The following ATRX variants were observed in gnomAD, a reference collection of about 807,000 sequenced individuals.
ATRX encodes the protein ATRX chromatin remodeler.
ATRX carries 12 observed loss-of-function variants against 172.6 expected under a neutral mutation model. The observed-to-expected ratio is 0.07, with a 90% CI of 0.04 to 0.11. The LOEUF (loss-of-function observed/expected upper bound fraction) is 0.11, where lower values mean the gene tolerates loss of function less well. Ranked by LOEUF, ATRX falls within the 10% of genes least tolerant of loss-of-function variation. The probability of loss-of-function intolerance (pLI) is 1.00; values close to 1 mark genes in which losing one functional copy is unlikely to be tolerated. For missense variants in ATRX, 1,368 were observed against 1,767.4 expected, an observed-to-expected ratio of 0.77 and a Z score of 4.05; for synonymous variants, 674 against 594.7, an observed-to-expected ratio of 1.13 and a Z score of -1.94.
intron 9 of ATRX, 125 bp downstream of exon 9, chrX:77,681,395 A>C (rs2071182225): frequency 1.5e-6 from 1 of 652,306 alleles, no homozygotes; most frequent in Non-Finnish European, 2.3e-6. Context: ...ACTCCTAAAT[A>C]ATTTTTAAGT....
chrX:77,610,180 C>T (rs1319864505), intron 22 of ATRX, among the ~76,000 whole-genome samples: 1 of 111,531 alleles, frequency 9.0e-6, no homozygotes, highest in African/African-American at 3.3e-5. Flanking sequence ...CACCTGCAAA[C>T]TGAAATAGTT....
chrX:77,533,021 C>T (rs961425100), intron 30 of ATRX, among the ~76,000 whole-genome samples: 17 of 112,046 alleles, frequency 1.5e-4, no homozygotes, highest in African/African-American at 5.5e-4. Context: ...CACTTGTAGC[C>T]TATAAACATA....
At chrX:77,547,927 C>A (rs2064307772) in intron 30 of ATRX, among the ~76,000 whole-genome samples, 2 of 111,376 alleles carry the variant, frequency 1.8e-5, no homozygotes, top group African/African-American at 6.5e-5. Context: ...AAATGTAAGT[C>A]CATAAGTATT....
At chrX:77,593,661 G>C (rs782481042) in intron 26 of ATRX, 35 bp downstream of exon 26, 1 of 1,160,084 alleles carries the variant, frequency 8.6e-7, no homozygotes, top group Non-Finnish European at 1.2e-6. Flanking sequence ...TAATCAAAAG[G>C]TTAATTTATA....
intron 6 of ATRX, among the ~76,000 whole-genome samples, chrX:77,690,348 G>A (rs1287816795): frequency 1.8e-5 from 2 of 112,477 alleles, no homozygotes; most frequent in Non-Finnish European, 3.8e-5. Context: ...GATTACAGGT[G>A]TGAGCCACCA....
At chrX:77,694,974 A>T (rs1169681538) in intron 5 of ATRX, among the ~76,000 whole-genome samples, 1 of 108,106 alleles carries the variant, frequency 9.3e-6, no homozygotes, top group Non-Finnish European at 1.9e-5. Context: ...ACCAAAAAAA[A>T]GTTATTCACA....
chrX:77,747,534 C>T (rs533027656), intron 1 of ATRX, among the ~76,000 whole-genome samples: 5 of 111,030 alleles, frequency 4.5e-5, no homozygotes, highest in South Asian at 7.7e-4. Flanking sequence ...AAAAAGGGGG[C>T]GGGGGACTTA....
At chrX:77,545,398 G>A (rs905968789) in intron 30 of ATRX, among the ~76,000 whole-genome samples, 22 of 111,369 alleles carry the variant, frequency 2.0e-4, no homozygotes, top group Non-Finnish European at 5.6e-5. Context: ...GACATCCCTG[G>A]GGTAACAACT....
chrX:77,544,470 GGTTA>G (rs2064152499), intron 30 of ATRX, among the ~76,000 whole-genome samples: 1 of 109,573 alleles, frequency 9.1e-6, no homozygotes, highest in Non-Finnish European at 1.9e-5. Flanking sequence ...ACATTGTGCA[GGTTA>G]GTTACATATG....
intron 28 of ATRX, among the ~76,000 whole-genome samples, chrX:77,561,923 T>C: frequency 9.0e-6 from 1 of 111,527 alleles, no homozygotes; most frequent in Non-Finnish European, 1.9e-5. Context: ...TCTACAAAAT[T>C]TTATCATGCA....
rs2148624646 is a variant in ATRX at position 77,683,894 on chromosome X, C to A, written c.1362G>T (p.Lys454Asn). ...RKGEKPCALE[K>N]KDISKSEAKL... Reference sequence around the variant, plus strand: ...TAGCTTCTGACTTTGAAATATCCTTCTTTTCCAAAGCACAAGGTTTTTCTC... The same window carrying A: ...TAGCTTCTGACTTTGAAATATCCTTATTTTCCAAAGCACAAGGTTTTTCTC... The change falls in exon 9 of 35, where the codon AAG (lysine) becomes AAT (asparagine). Residue 454 changes from lysine to asparagine, a missense_variant. This residue lies in a region of ATRX where 843 missense variants were observed against 643.1 expected (regional missense o/e 1.31). Transcript: ENST00000373344. The A allele has an allele frequency of 8.3e-7, 1 of 1,209,502 alleles. No homozygotes were observed. Among genetic ancestry groups the A allele is most frequent in the Non-Finnish European group, 1.1e-6 (1 of 893,560 alleles).
At chrX:77,615,794 A>ATGTG (rs2067329952) in intron 22 of ATRX, among the ~76,000 whole-genome samples, 1 of 110,967 alleles carries the variant, frequency 9.0e-6, no homozygotes, top group Non-Finnish European at 1.9e-5. Context: ...TCATGTTAAT[A>ATGTG]TGTGTGTACG....
At chrX:77,548,830 C>T (rs2064346676) in intron 30 of ATRX, among the ~76,000 whole-genome samples, 1 of 111,948 alleles carries the variant, frequency 8.9e-6, no homozygotes, top group Non-Finnish European at 1.9e-5. Context: ...AAGGGGAGAA[C>T]ACTGCACACA....
At chrX:77,740,664 G>A (rs1557181618) in intron 1 of ATRX, among the ~76,000 whole-genome samples, 1 of 109,780 alleles carries the variant, frequency 9.1e-6, no homozygotes, top group African/African-American at 3.3e-5. Context: ...AAAAAGAAAT[G>A]ACATTTAATC....
At chrX:77,732,499 G>C (rs1371888639) in intron 1 of ATRX, among the ~76,000 whole-genome samples, 2 of 111,712 alleles carry the variant, frequency 1.8e-5, no homozygotes, top group African/African-American at 3.3e-5. Flanking sequence ...GAAAATGACA[G>C]GCCAATATCT....
intron 15 of ATRX, among the ~76,000 whole-genome samples, chrX:77,636,991 A>G (rs2068406322): frequency 9.7e-6 from 1 of 102,824 alleles, no homozygotes; most frequent in Admixed American, 1.0e-4. Context: ...AAGAAGAAGG[A>G]AGGAGGAGGA....
intron 23 of ATRX, among the ~76,000 whole-genome samples, 187 bp downstream of exon 23, chrX:77,600,247 T>C (rs2066624679): frequency 8.9e-6 from 1 of 111,876 alleles, no homozygotes; most frequent in African/African-American, 3.2e-5. Flanking sequence ...TTTTTTAAAA[T>C]GGGCTCAATA....
intron 34 of ATRX, among the ~76,000 whole-genome samples, chrX:77,513,083 C>T (rs5912689): frequency 0.013 from 1,379 of 109,146 alleles, 12 homozygotes; most frequent in South Asian, 0.054. Flanking sequence ...TTTGGGAGGC[C>T]GAGGCGGGAG....
At chrX:77,513,316 CAA>C (rs1217104194) in intron 34 of ATRX, among the ~76,000 whole-genome samples, 2 of 25,653 alleles carry the variant, frequency 7.8e-5, no homozygotes, top group African/African-American at 2.2e-4. Context: ...GACTCCGTCT[CAA>C]AAAAAAAAAA....
Sources: allele counts gnomAD v4.1 joint callset (sites outside exome capture counted in the v4.1 genomes callset), GRCh38; gene constraint gnomAD v4.1.1; regional missense constraint gnomAD v4.1.1; transcripts MANE v1.5; gene names NCBI Gene and HGNC (gene_info 2026-07-23, HGNC 2026-07-21).